The following SBF2 variants were observed in gnomAD, a reference collection of about 807,000 sequenced individuals.
The protein encoded by SBF2 is SET binding factor 2.
A neutral mutation model predicts 225.2 loss-of-function variants in SBF2; 112 were observed. The ratio of observed to expected loss-of-function variants is 0.50; its 90% CI spans 0.43 to 0.58. The LOEUF is 0.58. Ranked by LOEUF, SBF2 falls within the 20% of genes least tolerant of loss-of-function variation. The probability of loss-of-function intolerance (pLI) is 0.00; values close to 1 mark genes in which losing one functional copy is unlikely to be tolerated. For synonymous variants in SBF2, 763 were observed against 773.3 expected (o/e 0.99, Z 0.22); for missense variants, 1,996 against 2,206.2 (o/e 0.90, Z 1.91).
At chr11:10,035,667 TCA>T (rs1949407081) in intron 3 of SBF2, among the ~76,000 whole-genome samples, 1 of 152,130 alleles carries the variant, frequency 6.6e-6, no homozygotes, top group African/African-American at 2.4e-5. Flanking sequence ...AAAAAAATGC[TCA>T]TCATCACTGG....
chr11:9,934,095 A>AAT (rs1157626258), intron 16 of SBF2, among the ~76,000 whole-genome samples: 1 of 110,190 alleles, frequency 9.1e-6, no homozygotes, highest in African/African-American at 3.5e-5. Flanking sequence ...TAAATAAATA[A>AAT]AAATAAAACA....
chr11:10,143,879 G>A (rs943483579), intron 2 of SBF2, among the ~76,000 whole-genome samples: 1 of 152,016 alleles, frequency 6.6e-6, no homozygotes, highest in African/African-American at 2.4e-5. Context: ...TACCGCGCCC[G>A]GCTAATTTTT....
intron 1 of SBF2, among the ~76,000 whole-genome samples, chr11:10,240,427 C>T (rs1029647891): frequency 6.6e-6 from 1 of 152,106 alleles, no homozygotes; most frequent in Non-Finnish European, 1.5e-5. Flanking sequence ...TAAATGGAGA[C>T]TTGGTCTAGA....
intron 29 of SBF2, among the ~76,000 whole-genome samples, chr11:9,813,413 C>T (rs957853531): frequency 4.6e-5 from 7 of 152,088 alleles, no homozygotes; most frequent in South Asian, 2.1e-4. Context: ...CTGCAACCTC[C>T]GCTTCCCAGG....
intron 2 of SBF2, among the ~76,000 whole-genome samples, chr11:10,100,266 C>T (rs561398776): frequency 2.2e-4 from 34 of 152,352 alleles, no homozygotes; most frequent in African/African-American, 7.7e-4. Context: ...ATTCACCCAT[C>T]TTGATAAATT....
At chr11:10,058,775 T>C (rs1489847798) in intron 2 of SBF2, among the ~76,000 whole-genome samples, 3 of 152,114 alleles carry the variant, frequency 2.0e-5, no homozygotes, top group African/African-American at 7.2e-5. Flanking sequence ...GCAGGTCACC[T>C]ACAAAGGGAA....
intron 33 of SBF2, among the ~76,000 whole-genome samples, chr11:9,794,704 A>AAAAAAAAAAC (rs1853000599): frequency 6.8e-6 from 1 of 146,288 alleles, no homozygotes; most frequent in African/African-American, 2.6e-5. Flanking sequence ...AAAAAAAAAA[A>AAAAAAAAAAC]AAAGACCAGG....
At chr11:9,995,264 A>G (rs981972503) in intron 9 of SBF2, among the ~76,000 whole-genome samples, 2 of 152,228 alleles carry the variant, frequency 1.3e-5, no homozygotes, top group Non-Finnish European at 2.9e-5. Flanking sequence ...TCTGGGAAAG[A>G]AGGACCTGTG....
chr11:10,239,837 T>A (rs1007920095), intron 1 of SBF2, among the ~76,000 whole-genome samples: 2 of 152,220 alleles, frequency 1.3e-5, no homozygotes, highest in African/African-American at 4.8e-5. Context: ...TATTTTGGGT[T>A]TTAAAATTTT....
intron 16 of SBF2, among the ~76,000 whole-genome samples, chr11:9,916,449 C>T (rs1863099246): frequency 6.6e-6 from 1 of 152,118 alleles, no homozygotes; most frequent in Admixed American, 6.5e-5. Flanking sequence ...ATCTATATTT[C>T]ACATATTTCC....
chr11:10,102,323 G>C (rs1215838868), intron 2 of SBF2, among the ~76,000 whole-genome samples: 1 of 152,170 alleles, frequency 6.6e-6, no homozygotes, highest in Non-Finnish European at 1.5e-5. Flanking sequence ...GATGTCTTAG[G>C]CTCCACACCT....
At chr11:9,820,654 G>A (rs1450487372) in intron 28 of SBF2, among the ~76,000 whole-genome samples, 1 of 152,160 alleles carries the variant, frequency 6.6e-6, no homozygotes, top group Admixed American at 6.5e-5. Context: ...TTAAGATCCA[G>A]ATACAATATT....
At chr11:10,014,384 T>C (rs1442204900) in intron 6 of SBF2, among the ~76,000 whole-genome samples, 3 of 152,130 alleles carry the variant, frequency 2.0e-5, no homozygotes, top group Middle Eastern at 6.8e-3. Context: ...TCCCAATTCA[T>C]ATTTGTATGT....
At chr11:10,196,866 A>ATTT (rs1555073581) in intron 1 of SBF2, among the ~76,000 whole-genome samples, 8,683 of 99,024 alleles carry the variant, frequency 0.088, 852 homozygotes, top group Non-Finnish European at 0.11. Flanking sequence ...ATATATATAT[A>ATTT]TTTTTTTTTT....
chr11:10,150,776 C>T (rs1204836752), intron 2 of SBF2, among the ~76,000 whole-genome samples: 1 of 151,988 alleles, frequency 6.6e-6, no homozygotes, highest in Non-Finnish European at 1.5e-5. Context: ...GGAAAACATA[C>T]TTTAAATATA....
chr11:9,998,081 T>A (rs999923364), intron 9 of SBF2, among the ~76,000 whole-genome samples, 185 bp downstream of exon 9: 5 of 152,234 alleles, frequency 3.3e-5, no homozygotes, highest in African/African-American at 4.8e-5. Flanking sequence ...CCAAAATATA[T>A]GCTTTAGATA....
chr11:10,133,135 C>G (rs910979742), intron 2 of SBF2, among the ~76,000 whole-genome samples: 1 of 149,382 alleles, frequency 6.7e-6, no homozygotes, highest in African/African-American at 2.5e-5. Context: ...GGTGCACTCA[C>G]AAACCTTGAG....
chr11:9,971,155 A>G (rs1867302828), intron 13 of SBF2, among the ~76,000 whole-genome samples: 1 of 151,964 alleles, frequency 6.6e-6, no homozygotes, highest in African/African-American at 2.4e-5. Context: ...AAGTATATTC[A>G]TTACTTTGGT....
intron 26 of SBF2, among the ~76,000 whole-genome samples, chr11:9,836,808 T>C (rs561795670): frequency 9.2e-5 from 14 of 152,276 alleles, no homozygotes; most frequent in African/African-American, 3.1e-4. Context: ...CATCCCTAAG[T>C]AATGTTTTTT....
Sources: allele counts gnomAD v4.1 joint callset (sites outside exome capture counted in the v4.1 genomes callset), GRCh38; gene constraint gnomAD v4.1.1; transcripts MANE v1.5; gene names NCBI Gene and HGNC (gene_info 2026-07-23, HGNC 2026-07-21).